Variants in TACO1 observed in about 807,000 individuals in gnomAD.
TACO1 encodes translational activator of cytochrome c oxidase 1.
In TACO1, 13 loss-of-function variants were observed where a neutral mutation model predicts 24.0. The observed-to-expected ratio is 0.54, with a 90% CI of 0.35 to 0.86. TACO1 has a LOEUF of 0.86. Ranked by LOEUF, TACO1 falls within the 40% of genes least tolerant of loss-of-function variation. The pLI is 0.01. For synonymous variants in TACO1, 149 were observed against 153.5 expected, an observed-to-expected ratio of 0.97 and a Z score of 0.22; for missense variants, 352 against 380.1, an observed-to-expected ratio of 0.93 and a Z score of 0.61.
At position 63,607,924 on chromosome 17, in the gene TACO1, C is replaced by T. The variant is rs1415136650; in HGVS notation, c.816C>T (p.Asp272=). The change falls in exon 5 of 5, where the codon GAC becomes GAT. Residue 272 remains aspartate, a synonymous_variant. Coordinates refer to ENST00000258975, the MANE Select transcript of TACO1 (RefSeq NM_016360.4). ...CAAAGGTGCAGCTGGCTGAGCCCGA[C>T]CTGGAACAGGCCGCACATCTCATTC... is the stretch of plus-strand genomic sequence containing the variant. ...PNSKVQLAEP[D]LEQAAHLIQA... The T allele has an allele frequency of 6.2e-7, 1 of 1,614,222 alleles. No homozygotes were observed. Among genetic ancestry groups the T allele is most frequent in the Non-Finnish European group, 8.5e-7 (1 of 1,180,040 alleles).
In TACO1 at chr17:63,608,029, T is replaced by C. The variant is rs745511591; in HGVS notation, c.*27T>C. 2.5e-6 allele frequency: 4 copies of C among 1,612,128 alleles called. No homozygotes were observed. Among genetic ancestry groups the C allele is most frequent in the Non-Finnish European group, 3.4e-6 (4 of 1,179,096 alleles). On this transcript the variant is annotated 3_prime_UTR_variant, in exon 5 of 5. Coordinates refer to ENST00000258975, the MANE Select transcript of TACO1 (RefSeq NM_016360.4). ...CAGGCTACATGTGCCCCCGGGTTCC[T>C]TCCTAGAAATGTGGCAGCCCATTCC...
chr17:63,601,459 G>A (rs2033821136), intron 1 of TACO1, 96 bp downstream of exon 1: 1 of 1,376,056 alleles, frequency 7.3e-7, no homozygotes, highest in Non-Finnish European at 1.0e-6. Flanking sequence ...CTAGATCTCC[G>A]GCCCTTCACT....
rs2033821182 is a variant in TACO1, at chr17:63,601,463, C to T, written c.280+100C>T. ...ATTGGGCCCACCTAGATCTCCGGCCCTTCACTTTGTTTTCCTTCCCCAGTA... is the reference window on the plus strand; with the variant it reads ...ATTGGGCCCACCTAGATCTCCGGCCTTTCACTTTGTTTTCCTTCCCCAGTA... On this transcript the variant is annotated intron_variant, in intron 1 of 4. Coordinates refer to ENST00000258975, the MANE Select transcript of TACO1 (RefSeq NM_016360.4). The T allele has an allele frequency of 6.6e-6, 9 of 1,356,868 alleles. No individual in the cohort carries two copies. The South Asian group carries it at 1.1e-4, about 17-fold the overall frequency. The allele number at this position is 1,356,868 out of a possible 1,614,324, so 84.1% of individuals were successfully genotyped here. A position where few individuals can be genotyped will look rare whatever the true frequency, so the allele number is the denominator to read the frequency against.
intron 2 of TACO1, 78 bp downstream of exon 2, chr17:63,604,718 T>A: frequency 7.5e-7 from 1 of 1,331,718 alleles, no homozygotes; most frequent in Non-Finnish European, 1.1e-6. Context: ...AAACACACTG[T>A]AAATTATCAG....
chr17:63,607,211 G>T, intron 3 of TACO1, 76 bp from the exon 4 acceptor site: 1 of 1,324,102 alleles, frequency 7.6e-7, no homozygotes, highest in South Asian at 1.2e-5. Context: ...AAGAGACAGT[G>T]ATAGAATGAT....
intron 1 of TACO1, among the ~76,000 whole-genome samples, chr17:63,602,208 G>A (rs534126811): frequency 8.2e-5 from 12 of 147,230 alleles, no homozygotes; most frequent in African/African-American, 3.0e-4. Context: ...TGCAGTAAGC[G>A]AGATTGCTCT....
Position 63,607,782 on chromosome 17 carries a change from T to G in TACO1, c.694-20T>G. The G allele has an allele frequency of 6.2e-7, 1 of 1,612,538 alleles. No homozygotes were observed. Among genetic ancestry groups the G allele is most frequent in the Non-Finnish European group, 8.5e-7 (1 of 1,179,402 alleles). On this transcript the variant is annotated intron_variant, in intron 4 of 4. Coordinates refer to ENST00000258975, the MANE Select transcript of TACO1 (RefSeq NM_016360.4). ...CATTACCTCCTGGCTCCTCACCTCC[T>G]GACTTTCCTTTATCCCTAGTTTATT...
At chr17:63,603,723 A>AAG (rs1555683739) in intron 1 of TACO1, among the ~76,000 whole-genome samples, 278 of 151,726 alleles carry the variant, frequency 1.8e-3, no homozygotes, top group African/African-American at 6.5e-3. Context: ...CTCAAAAAAA[A>AAG]GGTCTTTTCT....
At position 63,604,562 on chromosome 17, in the gene TACO1, C is replaced by A. The variant is rs750613359; in HGVS notation, c.309C>A (p.Ser103Arg). The change falls in exon 2 of 5, where the codon AGC becomes AGA. Residue 103 changes from serine to arginine, a missense_variant. Physicochemically the swap from Ser to Arg is moderately radical, Grantham distance 110. Transcript: ENST00000258975. ...KEGGPNPEHN[S>R]NLANILEVCR... ...GAGGCCCCAACCCTGAGCACAACAGCAACCTGGCCAATATCTTAGAGGTGT... is the reference window on the plus strand; with the variant it reads ...GAGGCCCCAACCCTGAGCACAACAGAAACCTGGCCAATATCTTAGAGGTGT... 1 of 1,614,136 alleles carries A rather than the reference C, an allele frequency of 6.2e-7. No homozygotes were observed. The highest frequency in any genetic ancestry group is 8.5e-7 in the Non-Finnish European group (1 of 1,180,016).
intron 1 of TACO1, among the ~76,000 whole-genome samples, chr17:63,601,587 A>C (rs1378474242): frequency 6.6e-6 from 1 of 152,108 alleles, no homozygotes; most frequent in Non-Finnish European, 1.5e-5. Context: ...AGTTTGTCAG[A>C]GAGGGAGCTG....
chr17:63,606,502 G>C, intron 3 of TACO1, 62 bp downstream of exon 3: 2 of 1,598,930 alleles, frequency 1.3e-6, no homozygotes, highest in South Asian at 2.2e-5. Context: ...TTCTCTGCAA[G>C]GCAAGTACTG....
chr17:63,601,429 C>T, intron 1 of TACO1, 66 bp downstream of exon 1: 1 of 1,574,422 alleles, frequency 6.4e-7, no homozygotes, highest in East Asian at 2.3e-5. Flanking sequence ...GCCTCGCTTG[C>T]CTCTCGGAAT....
At chr17:63,606,761 C>T in intron 3 of TACO1, 2 of 388,544 alleles carry the variant, frequency 5.1e-6, no homozygotes, top group Admixed American at 3.8e-5. Flanking sequence ...GTTGGCCAGA[C>T]TGGTCTCGAA....
intron 2 of TACO1, 55 bp downstream of exon 2, chr17:63,604,695 C>T: frequency 2.0e-6 from 3 of 1,486,310 alleles, no homozygotes; most frequent in Non-Finnish European, 2.8e-6. Flanking sequence ...GGGCTCATGT[C>T]TGGATGGCCA....
intron 2 of TACO1, among the ~76,000 whole-genome samples, chr17:63,605,227 G>A (rs1411233662): frequency 6.6e-6 from 1 of 152,126 alleles, no homozygotes; most frequent in East Asian, 1.9e-4. Context: ...AAGGGGCAGT[G>A]TGGGAGAAAG....
At chr17:63,604,746 G>T (rs1278503301) in intron 2 of TACO1, 106 bp downstream of exon 2, 12 of 1,037,858 alleles carry the variant, frequency 1.2e-5, no homozygotes, top group Non-Finnish European at 1.8e-5. Flanking sequence ...AAGTGCAGTG[G>T]CTCACGACTA....
chr17:63,607,477 A>G lies in TACO1; in HGVS notation c.693+13A>G. 6.2e-7 allele frequency: 1 copy of G among 1,614,130 alleles called. No individual in the cohort carries two copies. Among genetic ancestry groups the G allele is most frequent in the South Asian group, 1.1e-5 (1 of 91,060 alleles). ...GAACGTTTTTAAAGTAAGCATGAAAACATGGGTGTTTGGTGGGCTTCCGGG... is the reference window on the plus strand; with the variant it reads ...GAACGTTTTTAAAGTAAGCATGAAAGCATGGGTGTTTGGTGGGCTTCCGGG... On this transcript the variant is annotated intron_variant, in intron 4 of 4. Coordinates refer to ENST00000258975, the MANE Select transcript of TACO1 (RefSeq NM_016360.4).
At position 63,601,009 on chromosome 17, in the gene TACO1, C is replaced by T. The variant is rs549981611; in HGVS notation, c.-75C>T. 8 of 1,503,404 alleles carry T rather than the reference C, an allele frequency of 5.3e-6. No individual in the cohort carries two copies. In the South Asian group the frequency reaches 9.7e-5, roughly 18 times the overall value. 93.1% of individuals were successfully genotyped at this position (1,503,404 alleles called of 1,614,324 possible). On this transcript the variant is annotated 5_prime_UTR_variant, in exon 1 of 5. Coordinates refer to ENST00000258975, the MANE Select transcript of TACO1 (RefSeq NM_016360.4). Reference sequence around the variant, plus strand: ...CAGGCGGCCGCGGGGTCCGGAACTGCTTGTTCCGGCAGTGGAAGAGACGCG... The same window carrying T: ...CAGGCGGCCGCGGGGTCCGGAACTGTTTGTTCCGGCAGTGGAAGAGACGCG...
In TACO1 at chr17:63,608,260, C is replaced by T. The variant is rs2033879207; in HGVS notation, c.*258C>T. The stretch of plus-strand genomic sequence containing the variant: ...TGCAGGGCAGGACCACCCAGCTGGT[C>T]AGACTCTGATGTTGGGTAGCTGGCC... On this transcript the variant is annotated 3_prime_UTR_variant, in exon 5 of 5. Coordinates refer to ENST00000258975, the MANE Select transcript of TACO1 (RefSeq NM_016360.4). The T allele has an allele frequency of 3.7e-6, 2 of 536,830 alleles. No homozygotes were observed. Among genetic ancestry groups the T allele is most frequent in the Non-Finnish European group, 6.7e-6 (2 of 296,456 alleles). The allele number at this position is 536,830 out of a possible 1,614,324, so 33.3% of individuals were successfully genotyped here. A position where few individuals can be genotyped will look rare whatever the true frequency, so the allele number is the denominator to read the frequency against.
Sources: allele counts gnomAD v4.1 joint callset (sites outside exome capture counted in the v4.1 genomes callset), GRCh38; gene constraint gnomAD v4.1.1; transcripts MANE v1.5; gene names NCBI Gene and HGNC (gene_info 2026-07-23, HGNC 2026-07-21).